The following ZHX1 variants were observed in gnomAD, a reference collection of about 807,000 sequenced individuals.
The protein encoded by ZHX1 is zinc fingers and homeoboxes 1.
Under a neutral mutation model 61.8 loss-of-function variants are expected in ZHX1, and 20 were observed. That is an observed-to-expected ratio of 0.32 (90% CI 0.23 to 0.47). The LOEUF (loss-of-function observed/expected upper bound fraction) is 0.47, where lower values mean the gene tolerates loss of function less well. Among genes scored for constraint, ZHX1 ranks in the 20% least tolerant of loss-of-function variants. ZHX1 has a pLI of 1.00. For synonymous variants in ZHX1, 318 were observed against 352.6 expected (o/e 0.90, Z 1.10); for missense variants, 800 against 1,034.8 (o/e 0.77, Z 3.11).
intron 3 of ZHX1, among the ~76,000 whole-genome samples, chr8:123,251,691 T>C (rs2131185056): frequency 6.6e-6 from 1 of 152,312 alleles, no homozygotes; most frequent in South Asian, 2.1e-4. Context: ...ATATTTTATG[T>C]ATCTGGGTCA....
chr8:123,261,455 A>G (rs1826263503), intron 2 of ZHX1, among the ~76,000 whole-genome samples: 1 of 150,422 alleles, frequency 6.6e-6, no homozygotes. Flanking sequence ...TCAATTCAAC[A>G]AATTTGTTGA....
intron 2 of ZHX1, among the ~76,000 whole-genome samples, chr8:123,256,637 G>C (rs1003693043): frequency 6.6e-6 from 1 of 152,118 alleles, no homozygotes; most frequent in African/African-American, 2.4e-5. Flanking sequence ...GGTGGCAGGT[G>C]CCTGTAGTCC....
Position 123,253,961 on chromosome 8 carries a change from G to A in ZHX1, c.1986C>T (p.Gly662=). ...GCTCAGGTGTTTTTTTACATATCTT[G>A]CCTGTACTCCCTGACTTAGGTGCAC... ...ESGAPKSGST[G]KICKKTPEQL... Residue 662 remains glycine (G), a synonymous_variant, in exon 3 of 4, where the codon GGC becomes GGT. Transcript: ENST00000395571. The A allele has an allele frequency of 6.2e-7, 1 of 1,614,120 alleles. No homozygotes were observed. Among genetic ancestry groups the A allele is most frequent in the East Asian group, 2.2e-5 (1 of 44,878 alleles).
chr8:123,253,426 C>T lies in ZHX1; in HGVS notation c.2521G>A (p.Val841Ile). Residue 841 changes from valine to isoleucine, a missense_variant, in exon 3 of 4, where the codon GTT becomes ATT. Coordinates refer to ENST00000395571, the MANE Select transcript of ZHX1 (RefSeq NM_007222.5). Reference sequence around the variant, plus strand: ...TCATCCTCTTCCTGGTCATCAATAACTTCATCTTCCTCCTCATTTTCCTCA... The same window carrying T: ...TCATCCTCTTCCTGGTCATCAATAATTTCATCTTCCTCCTCATTTTCCTCA... ...LFEENEEEDEVIDDQEEDEEE... is the reference protein window; with the variant it reads ...LFEENEEEDEIIDDQEEDEEE... 6.2e-7 allele frequency: 1 copy of T among 1,614,022 alleles called. No homozygotes were observed.
At chr8:123,253,295 C>T (rs200005196) in intron 3 of ZHX1, 27 bp downstream of exon 3, 25 of 1,541,072 alleles carry the variant, frequency 1.6e-5, no homozygotes, top group Non-Finnish European at 2.0e-5. Context: ...TGAACATATA[C>T]GCAGATTAAA....
chr8:123,256,304 G>C (rs1374222931), intron 2 of ZHX1, 133 bp from the exon 3 acceptor site: 1 of 165,688 alleles, frequency 6.0e-6, no homozygotes, highest in Non-Finnish European at 1.3e-5. Flanking sequence ...ATAAGAATCA[G>C]AAAAAAATGT....
chr8:123,255,875 C>A lies in ZHX1; in HGVS notation c.72G>T (p.Leu24Phe), dbSNP rs1341575535. The A allele has an allele frequency of 6.2e-7, 1 of 1,614,180 alleles. No individual in the cohort carries two copies. The highest frequency in any genetic ancestry group is 1.7e-5 in the Admixed American group (1 of 60,028). Residue 24 changes from leucine (L) to phenylalanine (F), a missense_variant, in exon 3 of 4, where the codon TTG becomes TTT. Coordinates refer to ENST00000395571, the MANE Select transcript of ZHX1 (RefSeq NM_007222.5). ...LASEQDPDLE[L>F]ISDLDEGPPV... ...GAGGACCTTCATCCAAATCTGATAT[C>A]AACTCAAGGTCTGGATCTTGTTCAC...
intron 2 of ZHX1, among the ~76,000 whole-genome samples, chr8:123,259,933 G>C (rs1826194499): frequency 6.6e-6 from 1 of 152,044 alleles, no homozygotes; most frequent in African/African-American, 2.4e-5. Flanking sequence ...GCCGAGGCCA[G>C]TGGATCACAA....
chr8:123,254,546 A>G lies in ZHX1; in HGVS notation c.1401T>C (p.Ile467=), dbSNP rs1826013512. The G allele has an allele frequency of 1.2e-6, 2 of 1,613,888 alleles. No individual in the cohort carries two copies. The highest frequency in any genetic ancestry group is 1.7e-6 in the Non-Finnish European group (2 of 1,179,952). Reference sequence around the variant, plus strand: ...GTTGCTCTTTTGTCTTTTTTGCCCGAATGCCAAATGAATCAGGGTTTACCA... The same window carrying G: ...GTTGCTCTTTTGTCTTTTTTGCCCGGATGCCAAATGAATCAGGGTTTACCA... ...TALVNPDSFG[I]RAKKTKEQLA... The change falls in exon 3 of 4, where the codon ATT becomes ATC. Residue 467 remains isoleucine, a synonymous_variant. Coordinates refer to ENST00000395571, the MANE Select transcript of ZHX1 (RefSeq NM_007222.5). The surrounding 1 kb of genome is among the most constrained non-coding windows in gnomAD (Gnocchi z 4.1).
At chr8:123,275,401 C>G (rs543659082), upstream of ZHX1, 1 of 152,900 alleles carries the variant, frequency 6.5e-6, no homozygotes, top group Non-Finnish European at 1.5e-5. Flanking sequence ...CCTTGACGTT[C>G]ACTCCCCACC....
In ZHX1 at chr8:123,254,514, T is replaced by C; in HGVS notation, c.1433A>G (p.Glu478Gly). The C allele has an allele frequency of 1.2e-6, 2 of 1,613,924 alleles. No homozygotes were observed. The highest frequency in any genetic ancestry group is 1.7e-6 in the Non-Finnish European group (2 of 1,179,968). Residue 478 changes from glutamate to glycine, a missense_variant, in exon 3 of 4, where the codon GAA becomes GGA. Glu to Gly is a moderately conservative substitution (Grantham distance 98). Coordinates refer to ENST00000395571, the MANE Select transcript of ZHX1 (RefSeq NM_007222.5). The surrounding 1 kb of genome is among the most constrained non-coding windows in gnomAD (Gnocchi z 4.1). ...RAKKTKEQLA[E>G]LKVSYLKNQF... ...ATTTTTAAGGTAGCTAACTTTTAAT[T>C]CTGCCAGTTGCTCTTTTGTCTTTTT...
intron 2 of ZHX1, among the ~76,000 whole-genome samples, chr8:123,259,064 A>G (rs1826164380): frequency 6.6e-6 from 1 of 152,218 alleles, no homozygotes; most frequent in Non-Finnish European, 1.5e-5. Flanking sequence ...CTAAGAGAGA[A>G]TATCCTGACT....
At chr8:123,264,644 C>T (rs1208979986) in intron 2 of ZHX1, among the ~76,000 whole-genome samples, 3 of 152,006 alleles carry the variant, frequency 2.0e-5, no homozygotes, top group African/African-American at 4.8e-5. Flanking sequence ...CTGCAACCGC[C>T]GCCTCCCAGG....
chr8:123,274,838 C>A (rs1461274440), upstream of ZHX1, among the ~76,000 whole-genome samples: 1 of 152,182 alleles, frequency 6.6e-6, no homozygotes, highest in Admixed American at 6.5e-5. Context: ...GGTAAGCATG[C>A]TGGCTTCTAC....
In ZHX1 at chr8:123,253,753, T is replaced by C. The variant is rs753655694; in HGVS notation, c.2194A>G (p.Ser732Gly). Reference protein sequence around the residue: ...WYYYYQSANSSSMNGLSSLRK... With the variant: ...WYYYYQSANSGSMNGLSSLRK... ...AGGGAAGACAGACCATTCATACTACTTGAATTGGCGCTCTGATAGTAGTAG... is the reference window on the plus strand; with the variant it reads ...AGGGAAGACAGACCATTCATACTACCTGAATTGGCGCTCTGATAGTAGTAG... The change falls in exon 3 of 4, where the codon AGT becomes GGT. Residue 732 changes from serine (S) to glycine (G), a missense_variant. Coordinates refer to ENST00000395571, the MANE Select transcript of ZHX1 (RefSeq NM_007222.5). 3.7e-6 allele frequency: 6 copies of C among 1,614,116 alleles called. No homozygotes were observed. The highest frequency in any genetic ancestry group is 3.3e-5 in the South Asian group (3 of 91,090).
intron 2 of ZHX1, among the ~76,000 whole-genome samples, chr8:123,262,068 T>C (rs923513956): frequency 6.6e-6 from 1 of 152,072 alleles, no homozygotes; most frequent in African/African-American, 2.4e-5. Context: ...TATTTACCTA[T>C]AAAAAGAGGT....
rs770070996 is a variant in ZHX1, at chr8:123,253,393, TTTC to T, written c.2551_2553del (p.Glu851del). 2 of 1,613,918 alleles carry T rather than the reference TTTC, an allele frequency of 1.2e-6. No homozygotes were observed. The highest frequency in any genetic ancestry group is 1.7e-6 in the Non-Finnish European group (2 of 1,179,974). On this transcript the variant is annotated inframe_deletion, in exon 3 of 4. Coordinates refer to ENST00000395571, the MANE Select transcript of ZHX1 (RefSeq NM_007222.5). Reference sequence around the variant, plus strand: ...GGTTCCCAAGTGTCACTATCATCTGTTTCTTCTTCATCCTCTTCCTGGTCATCA... The same window carrying T: ...GGTTCCCAAGTGTCACTATCATCTGTTTCTTCATCCTCTTCCTGGTCATCA...
At chr8:123,260,351 C>T (rs1352588134) in intron 2 of ZHX1, among the ~76,000 whole-genome samples, 1 of 152,040 alleles carries the variant, frequency 6.6e-6, no homozygotes, top group African/African-American at 2.4e-5. Context: ...GTAATCCTAG[C>T]ACTTTGGGAG....
upstream of ZHX1, chr8:123,274,394 G>A (rs1586837544): frequency 6.6e-6 from 1 of 152,228 alleles, no homozygotes; most frequent in Non-Finnish European, 1.5e-5. Context: ...CTCAGGGTGG[G>A]GGTGCGAGGA....
Sources: allele counts gnomAD v4.1 joint callset (sites outside exome capture counted in the v4.1 genomes callset), GRCh38; gene constraint gnomAD v4.1.1; non-coding constraint Gnocchi (gnomAD v3.1); transcripts MANE v1.5; gene names NCBI Gene and HGNC (gene_info 2026-07-23, HGNC 2026-07-21).